The following REC114 variants were observed in gnomAD, a reference collection of about 807,000 sequenced individuals.
The protein encoded by REC114 is REC114 meiotic recombination protein.
A neutral mutation model predicts 31.3 loss-of-function variants in REC114; 27 were observed. The observed-to-expected ratio is 0.86, with a 90% CI of 0.64 to 1.19. The LOEUF (loss-of-function observed/expected upper bound fraction) is 1.19. REC114 is among the 50% of genes most tolerant of loss of function. The probability of loss-of-function intolerance (pLI) is 0.00; values close to 1 mark genes in which losing one functional copy is unlikely to be tolerated. For synonymous variants in REC114, 134 were observed against 127.7 expected, an observed-to-expected ratio of 1.05 and a Z score of -0.33; for missense variants, 344 against 326.9, an observed-to-expected ratio of 1.05 and a Z score of -0.40.
intron 1 of REC114, among the ~76,000 whole-genome samples, chr15:73,460,295 A>G (rs981786089): frequency 1.8e-4 from 27 of 152,144 alleles, no homozygotes; most frequent in African/African-American, 6.5e-4. Context: ...AAGAAGTTAC[A>G]GTTTAGAATG....
Position 73,499,355 on chromosome 15 carries a change from A to C in REC114, c.249+25434A>C, listed in dbSNP as rs139073324. The stretch of plus-strand genomic sequence containing the variant: ...GGAGAGTGTTTTAAATAGCAAAGTC[A>C]AGTACTTATTCACCAGAATCCAGTT... On this transcript the variant is annotated intron_variant, in intron 2 of 5. Coordinates refer to ENST00000331090, the MANE Select transcript of REC114 (RefSeq NM_001042367.2). 4.5e-3 allele frequency among the ~76,000 whole-genome samples: 683 copies of C among 152,178 alleles called. 4 individuals carry two copies. The highest frequency in any genetic ancestry group is 0.016 in the African/African-American group (655 of 41,530).
chr15:73,467,280 A>G (rs1893075159), intron 1 of REC114, among the ~76,000 whole-genome samples: 1 of 152,246 alleles, frequency 6.6e-6, no homozygotes, highest in Non-Finnish European at 1.5e-5. Flanking sequence ...TTACTGGCAC[A>G]TGGTGGTAAT....
At chr15:73,493,159 G>C (rs918287917) in intron 2 of REC114, among the ~76,000 whole-genome samples, 12 of 152,024 alleles carry the variant, frequency 7.9e-5, no homozygotes, top group African/African-American at 2.7e-4. Context: ...TGGGACTATA[G>C]GCACATATGC....
intron 2 of REC114, among the ~76,000 whole-genome samples, chr15:73,504,207 A>G (rs938026490): frequency 4.0e-5 from 6 of 151,790 alleles, no homozygotes; most frequent in African/African-American, 1.5e-4. Flanking sequence ...GGGTTTCACC[A>G]TGTTGGCCAG....
At chr15:73,496,830 G>GT (rs1307637435) in intron 2 of REC114, among the ~76,000 whole-genome samples, 1 of 151,776 alleles carries the variant, frequency 6.6e-6, no homozygotes, top group East Asian at 1.9e-4. Flanking sequence ...GTCATACTGT[G>GT]TTTTTTGCTG....
At chr15:73,461,689 T>C (rs1892988687) in intron 1 of REC114, among the ~76,000 whole-genome samples, 1 of 152,118 alleles carries the variant, frequency 6.6e-6, no homozygotes, top group African/African-American at 2.4e-5. Context: ...AACTGATGTA[T>C]AAGCTTGTGA....
chr15:73,537,396 A>C (rs151139878), intron 2 of REC114, among the ~76,000 whole-genome samples: 1 of 152,210 alleles, frequency 6.6e-6, no homozygotes, highest in East Asian at 1.9e-4. Context: ...AAGCAGCTCA[A>C]CTAAGAGTTG....
intron 4 of REC114, among the ~76,000 whole-genome samples, chr15:73,552,141 C>T (rs567171568): frequency 1.3e-5 from 2 of 152,306 alleles, no homozygotes; most frequent in South Asian, 2.1e-4. Flanking sequence ...AGTTTATTGC[C>T]ATGGTTTCAG....
intron 2 of REC114, among the ~76,000 whole-genome samples, chr15:73,476,949 A>G (rs2141294814): frequency 6.6e-6 from 1 of 152,348 alleles, no homozygotes; most frequent in South Asian, 2.1e-4. Flanking sequence ...AGGAAACTGC[A>G]AAACTGTTTT....
chr15:73,528,280 C>T (rs1384610849), intron 2 of REC114, among the ~76,000 whole-genome samples: 1 of 152,098 alleles, frequency 6.6e-6, no homozygotes, highest in African/African-American at 2.4e-5. Flanking sequence ...CATTTTGCAA[C>T]CCCAGATGAA....
At chr15:73,526,578 T>A (rs534259390) in intron 2 of REC114, among the ~76,000 whole-genome samples, 5 of 152,302 alleles carry the variant, frequency 3.3e-5, no homozygotes, top group African/African-American at 1.2e-4. Context: ...GTATGAAACT[T>A]AACAATAGTG....
intron 3 of REC114, among the ~76,000 whole-genome samples, chr15:73,542,591 T>C (rs1209670134): frequency 6.6e-6 from 1 of 152,170 alleles, no homozygotes; most frequent in African/African-American, 2.4e-5. Flanking sequence ...TGCCTGCTTA[T>C]GTGTCATGGA....
At chr15:73,505,388 CA>C (rs1221319377) in intron 2 of REC114, among the ~76,000 whole-genome samples, 1 of 152,088 alleles carries the variant, frequency 6.6e-6, no homozygotes, top group Non-Finnish European at 1.5e-5. Context: ...CTTATGAAAA[CA>C]GTTTTTTGTC....
intron 2 of REC114, among the ~76,000 whole-genome samples, chr15:73,539,835 GC>G (rs1894215333): frequency 6.6e-6 from 1 of 152,148 alleles, no homozygotes; most frequent in Admixed American, 6.5e-5. Context: ...CTTAAGAGCT[GC>G]CATAATCATC....
At chr15:73,518,223 A>T (rs533330541) in intron 2 of REC114, among the ~76,000 whole-genome samples, 2 of 152,364 alleles carry the variant, frequency 1.3e-5, no homozygotes, top group East Asian at 3.9e-4. Flanking sequence ...ACAGAAACCC[A>T]ACTCAGGTTC....
At chr15:73,462,824 G>A (rs1331309887) in intron 1 of REC114, among the ~76,000 whole-genome samples, 3 of 145,934 alleles carry the variant, frequency 2.1e-5, no homozygotes, top group Non-Finnish European at 4.4e-5. Flanking sequence ...GGCGGAGCTT[G>A]CCCTGAGCCG....
At chr15:73,558,540 A>C (rs1894510995) in intron 5 of REC114, among the ~76,000 whole-genome samples, 1 of 152,264 alleles carries the variant, frequency 6.6e-6, no homozygotes, top group African/African-American at 2.4e-5. Context: ...GATGACAAAT[A>C]AGCATGTGAA....
At chr15:73,518,244 A>G (rs1595875990) in intron 2 of REC114, among the ~76,000 whole-genome samples, 1 of 152,242 alleles carries the variant, frequency 6.6e-6, no homozygotes, top group East Asian at 1.9e-4. Flanking sequence ...TTTTAAACAA[A>G]GTAAATAACT....
chr15:73,523,212 G>A (rs1007607237), intron 2 of REC114, among the ~76,000 whole-genome samples: 2 of 152,086 alleles, frequency 1.3e-5, no homozygotes, highest in African/African-American at 4.8e-5. Context: ...TAAATTTAAA[G>A]GAGTTTAATT....
Sources: allele counts gnomAD v4.1 joint callset (sites outside exome capture counted in the v4.1 genomes callset), GRCh38; gene constraint gnomAD v4.1.1; transcripts MANE v1.5; gene names NCBI Gene and HGNC (gene_info 2026-07-23, HGNC 2026-07-21).